SDK1: variants seen among roughly 807,000 people sequenced by gnomAD.
SDK1 encodes protein sidekick-1.
SDK1 carries 157 observed loss-of-function variants against 245.5 expected under a neutral mutation model. The ratio of observed to expected loss-of-function variants is 0.64; its 90% confidence interval spans 0.56 to 0.73. The LOEUF is 0.73. Ranked by LOEUF, SDK1 falls within the 30% of genes least tolerant of loss-of-function variation. The pLI is 0.00. For synonymous variants in SDK1, 1,647 were observed against 1,278.5 expected (o/e 1.29, Z -6.15); for missense variants, 3,583 against 3,002.3 (o/e 1.19, Z -4.52).
intron 4 of SDK1, among the ~76,000 whole-genome samples, chr7:3,663,046 G>C (rs1425676496): frequency 2.0e-5 from 3 of 152,196 alleles, no homozygotes; most frequent in African/African-American, 7.2e-5. Context: ...GTATCAATCA[G>C]ATAGTACACA....
intron 4 of SDK1, among the ~76,000 whole-genome samples, chr7:3,775,361 T>C (rs756836415): frequency 6.6e-6 from 1 of 152,176 alleles, no homozygotes; most frequent in Admixed American, 6.5e-5. Context: ...CTTTACATTT[T>C]ACCTGTAGCA....
Position 4,049,336 on chromosome 7 carries a change from G to A in SDK1, c.2603-12G>A, listed in dbSNP as rs763213496. The A allele has an allele frequency of 1.2e-6, 2 of 1,609,514 alleles. No individual in the cohort carries two copies. The highest frequency in any genetic ancestry group is 1.7e-6 in the Non-Finnish European group (2 of 1,176,400). ...ATTTGTTCTGCTGTCATCAATGACTGCCCTGCCACAGTGCCCACCGCGCCC... is the reference window on the plus strand; with the variant it reads ...ATTTGTTCTGCTGTCATCAATGACTACCCTGCCACAGTGCCCACCGCGCCC... On this transcript the variant is annotated splice_polypyrimidine_tract_variant and intron_variant, in intron 17 of 44. Coordinates refer to ENST00000404826, the MANE Select transcript of SDK1 (RefSeq NM_152744.4).
intron 25 of SDK1, 129 bp downstream of exon 25, chr7:4,114,403 C>G (rs1783560623): frequency 1.4e-6 from 1 of 736,608 alleles, no homozygotes; most frequent in Non-Finnish European, 2.2e-6. Context: ...TTGGAGCTTT[C>G]CTAATCCCGG....
At chr7:3,567,576 A>G (rs1307163745) in intron 1 of SDK1, among the ~76,000 whole-genome samples, 1 of 152,216 alleles carries the variant, frequency 6.6e-6, no homozygotes, top group East Asian at 1.9e-4. Context: ...TTGCTAACAG[A>G]TGAAGCTGCA....
chr7:3,472,646 A>G (rs150789533), intron 1 of SDK1, among the ~76,000 whole-genome samples: 82 of 152,340 alleles, frequency 5.4e-4, no homozygotes, highest in African/African-American at 1.9e-3. Flanking sequence ...TTTGAATTTT[A>G]AAACAAATCA....
chr7:4,055,055 G>C (rs1386596848), intron 19 of SDK1, among the ~76,000 whole-genome samples: 3 of 152,168 alleles, frequency 2.0e-5, no homozygotes, highest in Non-Finnish European at 4.4e-5. Flanking sequence ...ATCTGTAGTT[G>C]TCTTTTTTTG....
At chr7:4,147,899 G>T (rs117327532) in intron 29 of SDK1, among the ~76,000 whole-genome samples, 2 of 152,234 alleles carry the variant, frequency 1.3e-5, no homozygotes, top group Non-Finnish European at 2.9e-5. Context: ...AGCCAGGCAC[G>T]TGTGCAGGTG....
At chr7:3,760,342 A>G (rs1780059720) in intron 4 of SDK1, among the ~76,000 whole-genome samples, 1 of 152,148 alleles carries the variant, frequency 6.6e-6, no homozygotes, top group African/African-American at 2.4e-5. Context: ...GTGCATGCAT[A>G]CATTCCCCTT....
At chr7:3,588,723 T>C (rs1157478914) in intron 1 of SDK1, among the ~76,000 whole-genome samples, 1 of 152,252 alleles carries the variant, frequency 6.6e-6, no homozygotes, top group Non-Finnish European at 1.5e-5. Flanking sequence ...TTGGGTTGAT[T>C]TAGTTTCTCC....
intron 34 of SDK1, among the ~76,000 whole-genome samples, chr7:4,178,072 G>T (rs924916754): frequency 2.6e-5 from 4 of 152,248 alleles, no homozygotes; most frequent in African/African-American, 9.6e-5. Flanking sequence ...AACTCAGGCA[G>T]TAATGCGAGG....
At chr7:3,302,160 T>A (rs1779287320) in intron 1 of SDK1, 1 of 160,776 alleles carries the variant, frequency 6.2e-6, no homozygotes, top group African/African-American at 2.4e-5. Flanking sequence ...AGGACCCATT[T>A]CTCAGCTCCT....
At chr7:3,402,129 T>C (rs73052676) in intron 1 of SDK1, among the ~76,000 whole-genome samples, 3,859 of 152,254 alleles carry the variant, frequency 0.025, 69 homozygotes, top group Non-Finnish European at 0.035. Context: ...CAGAAAATAA[T>C]ATGCGGAAAA....
intron 1 of SDK1, among the ~76,000 whole-genome samples, chr7:3,544,236 C>G (rs1779146559): frequency 6.6e-6 from 1 of 152,240 alleles, no homozygotes; most frequent in Non-Finnish European, 1.5e-5. Flanking sequence ...ATGTATCCAT[C>G]TTGGTTCCCA....
At chr7:3,644,477 G>A (rs1782758146) in intron 4 of SDK1, among the ~76,000 whole-genome samples, 1 of 151,748 alleles carries the variant, frequency 6.6e-6, no homozygotes, top group Non-Finnish European at 1.5e-5. Context: ...TAAAAAGGCA[G>A]GTAAGGGCCA....
At chr7:3,644,301 C>T (rs1025949801) in intron 4 of SDK1, among the ~76,000 whole-genome samples, 5 of 150,292 alleles carry the variant, frequency 3.3e-5, no homozygotes, top group Non-Finnish European at 7.4e-5. Context: ...AGTAAAAATA[C>T]CAGTTACCTT....
intron 19 of SDK1, among the ~76,000 whole-genome samples, chr7:4,066,901 G>A (rs1024633695): frequency 6.6e-6 from 1 of 152,140 alleles, no homozygotes; most frequent in Non-Finnish European, 1.5e-5. Context: ...AGCTGCACCT[G>A]CATCTTGGAT....
intron 1 of SDK1, among the ~76,000 whole-genome samples, chr7:3,540,392 G>C (rs1170483725): frequency 3.3e-5 from 5 of 152,210 alleles, no homozygotes; most frequent in East Asian, 1.9e-4. Flanking sequence ...GGGTGAAAGA[G>C]TGATACTTCA....
intron 4 of SDK1, among the ~76,000 whole-genome samples, chr7:3,720,739 C>T (rs1232764881): frequency 6.6e-6 from 1 of 152,232 alleles, no homozygotes; most frequent in East Asian, 1.9e-4. Flanking sequence ...CAAGCTACTG[C>T]ATTCTTGGGC....
chr7:4,228,502 T>C (rs774838541), intron 40 of SDK1, among the ~76,000 whole-genome samples: 54 of 152,304 alleles, frequency 3.5e-4, no homozygotes, highest in East Asian at 1.5e-3. Flanking sequence ...GATGTGGCTT[T>C]TTAGGGGACA....
Sources: gnomAD v4.1 joint callset for allele counts (sites outside exome capture counted in the v4.1 genomes callset) on GRCh38, gnomAD v4.1.1 for gene constraint, MANE v1.5 for transcripts, NCBI Gene and HGNC (gene_info 2026-07-23, HGNC 2026-07-21) for gene names.